The following L3MBTL3 variants were observed in gnomAD, a reference collection of about 807,000 sequenced individuals.
The protein encoded by L3MBTL3 is L3MBTL histone methyl-lysine binding protein 3, also known as lethal(3)malignant brain tumor-like protein 3.
A neutral mutation model predicts 102.3 loss-of-function variants in L3MBTL3; 27 were observed. That is an observed-to-expected ratio of 0.26 (90% CI 0.19 to 0.36). The LOEUF (loss-of-function observed/expected upper bound fraction) is 0.36, where lower values mean the gene tolerates loss of function less well. Among genes scored for constraint, L3MBTL3 ranks in the 10% least tolerant of loss-of-function variants. The pLI, the probability that L3MBTL3 is intolerant of heterozygous loss-of-function variation, is 1.00. For missense variants in L3MBTL3, 798 were observed against 955.3 expected (o/e 0.84, Z 2.17); for synonymous variants, 340 against 320.9 (o/e 1.06, Z -0.64).
chr6:130,037,199 A>G (rs1371727635), intron 2 of L3MBTL3, among the ~76,000 whole-genome samples: 1 of 152,198 alleles, frequency 6.6e-6, no homozygotes, highest in Non-Finnish European at 1.5e-5. Context: ...AAATGCTATT[A>G]TATTTATGGA....
chr6:130,025,072 G>A (rs528276403), intron 2 of L3MBTL3, among the ~76,000 whole-genome samples: 5 of 152,204 alleles, frequency 3.3e-5, no homozygotes, highest in South Asian at 4.1e-4. Context: ...GGATTGAGGC[G>A]ATTCTTTCTT....
intron 13 of L3MBTL3, 55 bp from the exon 14 acceptor site, chr6:130,078,503 A>G (rs1783100456): frequency 8.8e-7 from 1 of 1,133,340 alleles, no homozygotes; most frequent in East Asian, 2.4e-5. Flanking sequence ...TTATTTTACT[A>G]GTTTTTGTGA....
At chr6:130,084,332 T>C (rs949782236) in intron 15 of L3MBTL3, among the ~76,000 whole-genome samples, 1 of 152,158 alleles carries the variant, frequency 6.6e-6, no homozygotes, top group African/African-American at 2.4e-5. Flanking sequence ...TTCTCATGAA[T>C]TTAACAGAAA....
intron 9 of L3MBTL3, among the ~76,000 whole-genome samples, chr6:130,057,719 TTCTC>T (rs1232179783): frequency 1.3e-5 from 2 of 152,214 alleles, no homozygotes; most frequent in Admixed American, 6.5e-5. Flanking sequence ...ACGTGTGCTC[TTCTC>T]TCTCAGCATC....
chr6:130,121,674 T>C (rs886681302), intron 20 of L3MBTL3, among the ~76,000 whole-genome samples: 2 of 152,172 alleles, frequency 1.3e-5, no homozygotes, highest in African/African-American at 2.4e-5. Flanking sequence ...CAGAATGTGT[T>C]TTGAAATCCA....
chr6:130,084,545 G>A (rs1283569026), intron 15 of L3MBTL3, among the ~76,000 whole-genome samples: 1 of 152,134 alleles, frequency 6.6e-6, no homozygotes, highest in Non-Finnish European at 1.5e-5. Flanking sequence ...ATCAAAAAAT[G>A]TGTGTGATTT....
At chr6:130,091,411 T>C (rs1435143768) in intron 16 of L3MBTL3, among the ~76,000 whole-genome samples, 1 of 152,088 alleles carries the variant, frequency 6.6e-6, no homozygotes, top group Non-Finnish European at 1.5e-5. Context: ...ATAAAATATC[T>C]AAAGCATTTC....
At chr6:130,097,521 C>A (rs972966242) in intron 18 of L3MBTL3, among the ~76,000 whole-genome samples, 30 of 152,082 alleles carry the variant, frequency 2.0e-4, no homozygotes, top group Non-Finnish European at 5.9e-5. Flanking sequence ...CAAAACGTGT[C>A]TAAACAATGA....
intron 16 of L3MBTL3, among the ~76,000 whole-genome samples, chr6:130,090,359 T>G (rs1487995325): frequency 6.6e-6 from 1 of 152,168 alleles, no homozygotes; most frequent in East Asian, 1.9e-4. Context: ...TTAATGTCGT[T>G]TAAGTGCTCG....
chr6:130,118,231 T>C (rs1359757923), intron 19 of L3MBTL3, among the ~76,000 whole-genome samples: 1 of 152,074 alleles, frequency 6.6e-6, no homozygotes, highest in Non-Finnish European at 1.5e-5. Flanking sequence ...GAAGAACGGG[T>C]GCTATACTCG....
intron 1 of L3MBTL3, among the ~76,000 whole-genome samples, chr6:130,021,813 A>G (rs995434962): frequency 6.6e-6 from 1 of 152,214 alleles, no homozygotes; most frequent in Admixed American, 6.5e-5. Context: ...TTATTTCTGA[A>G]TACTTGTATA....
chr6:130,069,679 C>G (rs1782502158), intron 12 of L3MBTL3, among the ~76,000 whole-genome samples: 1 of 152,230 alleles, frequency 6.6e-6, no homozygotes, highest in South Asian at 2.1e-4. Flanking sequence ...GTCTCTGCTC[C>G]AAGTTTCCTA....
chr6:130,045,170 A>G (rs1024206247), intron 3 of L3MBTL3, among the ~76,000 whole-genome samples: 1 of 152,072 alleles, frequency 6.6e-6, no homozygotes, highest in Admixed American at 6.6e-5. Flanking sequence ...GTGAAGTTCA[A>G]GCCCCTTAAG....
chr6:130,035,241 C>T (rs1438946221), intron 2 of L3MBTL3, among the ~76,000 whole-genome samples: 1 of 152,110 alleles, frequency 6.6e-6, no homozygotes, highest in African/African-American at 2.4e-5. Context: ...GGTCTGCTTC[C>T]TCATAGGGGT....
chr6:130,019,156 GCC>G (rs1045850822), intron 1 of L3MBTL3, among the ~76,000 whole-genome samples: 1 of 151,212 alleles, frequency 6.6e-6, no homozygotes, highest in African/African-American at 2.4e-5. Context: ...CCTCCCCCGC[GCC>G]CCCCGAGCTT....
chr6:130,078,786 C>T (rs1363259357), intron 14 of L3MBTL3, 152 bp downstream of exon 14: 2 of 571,390 alleles, frequency 3.5e-6, no homozygotes, highest in Admixed American at 3.3e-5. Flanking sequence ...GCAAAAACAG[C>T]CATAGACAAT....
intron 18 of L3MBTL3, among the ~76,000 whole-genome samples, chr6:130,101,992 A>G (rs892469469): frequency 8.5e-5 from 13 of 152,106 alleles, no homozygotes; most frequent in African/African-American, 1.4e-4. Context: ...CTTCATTGCT[A>G]TGTGACCTTG....
intron 2 of L3MBTL3, among the ~76,000 whole-genome samples, chr6:130,028,287 T>C (rs962170235): frequency 6.6e-6 from 1 of 152,186 alleles, no homozygotes; most frequent in Non-Finnish European, 1.5e-5. Flanking sequence ...AGAGAGACCA[T>C]TGCAACATTA....
At chr6:130,055,122 G>C in intron 7 of L3MBTL3, 49 bp from the exon 8 acceptor site, 1 of 1,387,554 alleles carries the variant, frequency 7.2e-7, no homozygotes, top group Non-Finnish European at 1.0e-6. Context: ...CTATTCACTG[G>C]TGCCAATTTC....
Sources: gnomAD v4.1 joint callset for allele counts (sites outside exome capture counted in the v4.1 genomes callset) on GRCh38, gnomAD v4.1.1 for gene constraint, MANE v1.5 for transcripts, NCBI Gene and HGNC (gene_info 2026-07-23, HGNC 2026-07-21) for gene names.